TP63: variants seen among roughly 807,000 people sequenced by gnomAD.
TP63 encodes the protein tumor protein 63.
Under a neutral mutation model 82.8 loss-of-function variants are expected in TP63, and 17 were observed. That is an observed-to-expected ratio of 0.21 (90% CI 0.14 to 0.31). The LOEUF (loss-of-function observed/expected upper bound fraction) is 0.31, where lower values mean the gene tolerates loss of function less well. Among genes scored for constraint, TP63 ranks in the 10% least tolerant of loss-of-function variants. The pLI, the probability that TP63 is intolerant of heterozygous loss-of-function variation, is 1.00. For synonymous variants in TP63, 330 were observed against 321.7 expected (o/e 1.03, Z -0.28); for missense variants, 648 against 895.3 (o/e 0.72, Z 3.52).
At chr3:189,654,253 AAAAG>A (rs1713134909) in intron 1 of TP63, among the ~76,000 whole-genome samples, 1 of 152,174 alleles carries the variant, frequency 6.6e-6, no homozygotes, top group South Asian at 2.1e-4. Context: ...GTAAAAAAAA[AAAAG>A]AAAAATTGCA....
At chr3:189,868,766 G>C (rs371312714) in intron 8 of TP63, 50 bp downstream of exon 8, 31 of 1,612,486 alleles carry the variant, frequency 1.9e-5, no homozygotes, top group Admixed American at 5.0e-5. Context: ...TTCTCCAGAT[G>C]TTGGAGAATG....
chr3:189,725,152 T>G (rs552036089), intron 1 of TP63, among the ~76,000 whole-genome samples: 1 of 152,334 alleles, frequency 6.6e-6, no homozygotes, highest in East Asian at 1.9e-4. Context: ...TTTCCTGTCT[T>G]TAGTCAATTT....
chr3:189,830,848 A>G (rs1223815483), intron 4 of TP63, among the ~76,000 whole-genome samples: 3 of 152,196 alleles, frequency 2.0e-5, no homozygotes, highest in Non-Finnish European at 4.4e-5. Flanking sequence ...TTGTTTGAAG[A>G]AGGGAATGAA....
chr3:189,693,197 A>G (rs1717081608), intron 1 of TP63, among the ~76,000 whole-genome samples: 1 of 152,204 alleles, frequency 6.6e-6, no homozygotes, highest in South Asian at 2.1e-4. Flanking sequence ...CATATCTTAT[A>G]CTATTTAAGG....
intron 3 of TP63, among the ~76,000 whole-genome samples, chr3:189,802,993 G>A (rs1332053012): frequency 2.0e-5 from 3 of 152,084 alleles, no homozygotes; most frequent in Non-Finnish European, 4.4e-5. Flanking sequence ...ATCTGAAAAA[G>A]GGGACATTTT....
At position 189,723,568 on chromosome 3, in the gene TP63, T is replaced by C. The variant is rs369398022; in HGVS notation, c.63-14172T>C. On this transcript the variant is annotated intron_variant, in intron 1 of 13. Transcript: ENST00000264731. ...TTTGTTTGACACCCCCTCTGTGCCA[T>C]ATACTGTGCTAATCTGTGAACCCAC... Among the ~76,000 whole-genome samples, 185 of 152,342 alleles carry C rather than the reference T, an allele frequency of 1.2e-3. 2 individuals are homozygous for C. Among genetic ancestry groups the C allele is most frequent in the African/African-American group, 4.3e-3 (180 of 41,582 alleles).
chr3:189,844,040 A>G (rs1418032791), intron 4 of TP63, among the ~76,000 whole-genome samples: 1 of 151,748 alleles, frequency 6.6e-6, no homozygotes, highest in East Asian at 1.9e-4. Context: ...CCAACCCCAG[A>G]CCACCTGTAC....
chr3:189,734,120 TTCTC>T (rs1347021066), intron 1 of TP63, among the ~76,000 whole-genome samples: 1 of 148,476 alleles, frequency 6.7e-6, no homozygotes, highest in South Asian at 2.2e-4. Flanking sequence ...CTCTCTCTCT[TTCTC>T]TCTTTCCCTC....
chr3:189,626,785 G>T (rs920672967), upstream of TP63, among the ~76,000 whole-genome samples: 1 of 152,178 alleles, frequency 6.6e-6, no homozygotes, highest in Non-Finnish European at 1.5e-5. Flanking sequence ...TTTGCAAAGT[G>T]ACTGTCCATT....
intron 3 of TP63, among the ~76,000 whole-genome samples, chr3:189,740,764 T>G (rs1348903449): frequency 6.6e-6 from 1 of 152,094 alleles, no homozygotes; most frequent in East Asian, 1.9e-4. Flanking sequence ...CCTCTGAAAG[T>G]GCTGGGATTA....
rs1057324647 is a variant in TP63, at chr3:189,769,968, C to T, written c.324+31194C>T. On this transcript the variant is annotated intron_variant, in intron 3 of 13. Transcript: ENST00000264731. ...TCACAGACTGGTTCATAACTTACAA[C>T]AGATTGTTTACCAGGGTTACAACTT... 1.3e-5 allele frequency among the ~76,000 whole-genome samples: 2 copies of T among 152,204 alleles called. 1 individual carries two copies. The highest frequency in any genetic ancestry group is 4.1e-4 in the South Asian group (2 of 4,836).
intron 9 of TP63, among the ~76,000 whole-genome samples, chr3:189,870,501 A>T (rs940802560): frequency 1.2e-4 from 19 of 152,118 alleles, no homozygotes; most frequent in African/African-American, 4.3e-4. Context: ...AAGGGACTTG[A>T]GCAACCTAGG....
At chr3:189,744,404 T>G (rs564819697) in intron 3 of TP63, among the ~76,000 whole-genome samples, 12 of 152,214 alleles carry the variant, frequency 7.9e-5, no homozygotes, top group Admixed American at 3.3e-4. Flanking sequence ...CCACAACCAG[T>G]GCCCGCACAC....
chr3:189,668,977 G>A (rs1714649354), intron 1 of TP63, among the ~76,000 whole-genome samples: 1 of 151,318 alleles, frequency 6.6e-6, no homozygotes, highest in African/African-American at 2.4e-5. Flanking sequence ...TCACACCTAG[G>A]CATATCATAA....
chr3:189,853,105 A>T (rs911886365), intron 4 of TP63, among the ~76,000 whole-genome samples: 1 of 151,900 alleles, frequency 6.6e-6, no homozygotes, highest in Non-Finnish European at 1.5e-5. Context: ...TAATCTGGTG[A>T]CTTCTCATCA....
At position 189,845,985 on chromosome 3, in the gene TP63, A is replaced by G. The variant is rs541766743; in HGVS notation, c.580-18247A>G. On this transcript the variant is annotated intron_variant, in intron 4 of 13. Transcript: ENST00000264731. ...TAGGAAAGGGAGGTGTTGAAAAATT[A>G]CGCAGGTGTGTGCTGATATTACCTG... 2.6e-5 allele frequency among the ~76,000 whole-genome samples: 4 copies of G among 151,986 alleles called. No individual in the cohort carries two copies. In the East Asian group the frequency reaches 7.8e-4, roughly 30 times the overall value.
At chr3:189,853,028 A>T (rs932544596) in intron 4 of TP63, among the ~76,000 whole-genome samples, 1 of 152,072 alleles carries the variant, frequency 6.6e-6, no homozygotes, top group Non-Finnish European at 1.5e-5. Context: ...TTTAAATATC[A>T]CTACCTCTAT....
At chr3:189,734,373 C>T (rs993645660) in intron 1 of TP63, among the ~76,000 whole-genome samples, 1 of 151,880 alleles carries the variant, frequency 6.6e-6, no homozygotes, top group African/African-American at 2.4e-5. Flanking sequence ...GGTTTCCTTG[C>T]CCTGGACCCT....
At chr3:189,778,506 G>C (rs79740511) in intron 3 of TP63, among the ~76,000 whole-genome samples, 5,605 of 152,248 alleles carry the variant, frequency 0.037, 360 homozygotes, top group African/African-American at 0.13. Flanking sequence ...CCATTCTAGA[G>C]TCATAATGGA....
Sources: allele counts gnomAD v4.1 joint callset (sites outside exome capture counted in the v4.1 genomes callset), GRCh38; gene constraint gnomAD v4.1.1; transcripts MANE v1.5; gene names NCBI Gene and HGNC (gene_info 2026-07-23, HGNC 2026-07-21).